Variants in LRRC37A2 observed in about 807,000 individuals in gnomAD.
LRRC37A2 encodes the protein leucine rich repeat containing 37 member A2.
A neutral mutation model predicts 68.8 loss-of-function variants in LRRC37A2; 9 were observed. That is an observed-to-expected ratio of 0.13 (90% confidence interval 0.08 to 0.23). LRRC37A2 has a LOEUF of 0.23. LRRC37A2 is among the 10% of genes least tolerant of loss of function. The pLI, the probability that LRRC37A2 is intolerant of heterozygous loss-of-function variation, is 1.00. For missense variants in LRRC37A2, 168 were observed against 950.4 expected (o/e 0.18, Z 10.82); for synonymous variants, 63 against 367.6 (o/e 0.17, Z 9.48).
chr17:47,028,427 G>A, the LRRC37A2 span: 3 of 993,260 alleles, frequency 3.0e-6, no homozygotes, highest in Admixed American at 5.6e-5. Context: ...ACAATTATTG[G>A]GTAGCTGGGT....
the LRRC37A2 span, among the ~76,000 whole-genome samples, chr17:47,033,588 T>C: frequency 6.6e-6 from 1 of 152,228 alleles, no homozygotes; most frequent in Non-Finnish European, 1.5e-5. Flanking sequence ...TGGACATTTT[T>C]TCAGCTAGAG....
chr17:46,843,872 T>C, the LRRC37A2 span, among the ~76,000 whole-genome samples: 1 of 152,242 alleles, frequency 6.6e-6, no homozygotes, highest in Non-Finnish European at 1.5e-5. Context: ...AGAACTGACT[T>C]CATCATCTCC....
At chr17:46,911,996 C>T in the LRRC37A2 span, among the ~76,000 whole-genome samples, 1 of 152,106 alleles carries the variant, frequency 6.6e-6, no homozygotes, top group South Asian at 2.1e-4. Context: ...CTCAGCCAGC[C>T]CCTCAAGTCT....
At chr17:46,870,436 A>G in the LRRC37A2 span, among the ~76,000 whole-genome samples, 1 of 151,140 alleles carries the variant, frequency 6.6e-6, no homozygotes, top group African/African-American at 2.4e-5. Flanking sequence ...GACCTGGTGG[A>G]CTGGAAAATT....
the LRRC37A2 span, among the ~76,000 whole-genome samples, chr17:47,006,008 A>G: frequency 6.6e-6 from 1 of 152,184 alleles, no homozygotes; most frequent in African/African-American, 2.4e-5. Context: ...CCCTGTCTCT[A>G]CTAAAAATAC....
the LRRC37A2 span, among the ~76,000 whole-genome samples, chr17:46,760,559 A>G: frequency 6.6e-6 from 1 of 151,160 alleles, no homozygotes; most frequent in East Asian, 1.9e-4. Context: ...ACTTGAGCCC[A>G]GGAGGTCAAG....
At chr17:46,916,631 C>A in the LRRC37A2 span, 4 of 152,114 alleles carry the variant, frequency 2.6e-5, no homozygotes, top group African/African-American at 7.2e-5. Context: ...AGTATTTGTA[C>A]GTAGAGTGAA....
the LRRC37A2 span, chr17:46,938,638 G>A: frequency 6.2e-7 from 1 of 1,614,100 alleles, no homozygotes; most frequent in Non-Finnish European, 8.5e-7. Flanking sequence ...CAACATGCTG[G>A]GCTTGTCCAA....
the LRRC37A2 span, among the ~76,000 whole-genome samples, chr17:46,921,910 T>A: frequency 6.6e-6 from 1 of 152,246 alleles, no homozygotes; most frequent in South Asian, 2.1e-4. Context: ...TCAACCATTG[T>A]GGAAGACAGT....
At chr17:46,862,440 T>C in the LRRC37A2 span, among the ~76,000 whole-genome samples, 9 of 152,130 alleles carry the variant, frequency 5.9e-5, no homozygotes, top group Admixed American at 1.3e-4. Flanking sequence ...TGCTACCGTA[T>C]GAGTTCACCA....
chr17:46,935,973 T>C, the LRRC37A2 span: 3 of 985,810 alleles, frequency 3.0e-6, no homozygotes, highest in Non-Finnish European at 3.6e-6. Flanking sequence ...AGTGTGAGCT[T>C]TATCTTAGTT....
At chr17:46,873,398 G>C in the LRRC37A2 span, among the ~76,000 whole-genome samples, 4 of 152,050 alleles carry the variant, frequency 2.6e-5, no homozygotes, top group East Asian at 7.8e-4. Flanking sequence ...AGCTACCCTC[G>C]GGAAGCATGC....
the LRRC37A2 span, among the ~76,000 whole-genome samples, chr17:46,954,745 C>G: frequency 6.6e-6 from 1 of 152,120 alleles, no homozygotes; most frequent in Admixed American, 6.5e-5. Flanking sequence ...CCTTCACATC[C>G]CTTGTAAATT....
the LRRC37A2 span, among the ~76,000 whole-genome samples, chr17:46,586,417 C>T: frequency 0.36 from 6,400 of 17,746 alleles, 2,566 homozygotes; most frequent in African/African-American, 0.37. Context: ...CACTGCAGGA[C>T]GCCTTCTGAC....
chr17:46,968,197 G>A, the LRRC37A2 span, among the ~76,000 whole-genome samples: 4 of 152,160 alleles, frequency 2.6e-5, no homozygotes, highest in Non-Finnish European at 5.9e-5. Flanking sequence ...GAATACCTCT[G>A]AGTAAGGAAC....
the LRRC37A2 span, among the ~76,000 whole-genome samples, chr17:47,001,775 G>A: frequency 2.9e-5 from 4 of 139,342 alleles, no homozygotes; most frequent in East Asian, 6.3e-4. Context: ...AGGCCGGAGT[G>A]CAGTGGTGAG....
chr17:46,870,655 C>T, the LRRC37A2 span, among the ~76,000 whole-genome samples: 7 of 152,154 alleles, frequency 4.6e-5, no homozygotes, highest in Non-Finnish European at 7.4e-5. Context: ...CTGGCCAGGC[C>T]GCATACCCTC....
the LRRC37A2 span, among the ~76,000 whole-genome samples, chr17:46,728,085 C>T: frequency 6.6e-6 from 1 of 152,028 alleles, no homozygotes; most frequent in Admixed American, 6.6e-5. Flanking sequence ...CTCAGGGGGC[C>T]TGCGAGTAGC....
At chr17:46,872,529 G>A in the LRRC37A2 span, 1 of 1,545,622 alleles carries the variant, frequency 6.5e-7, no homozygotes, top group Non-Finnish European at 8.7e-7. Flanking sequence ...TGACCGGGCG[G>A]GAAGTCCTGA....
Sources: allele counts gnomAD v4.1 joint callset (sites outside exome capture counted in the v4.1 genomes callset), GRCh38; gene constraint gnomAD v4.1.1; transcripts MANE v1.5; gene names NCBI Gene and HGNC (gene_info 2026-07-23, HGNC 2026-07-21).